The following DNAH10 variants were observed in gnomAD, a reference collection of about 807,000 sequenced individuals.
DNAH10 encodes dynein axonemal heavy chain 10, also known as axonemal beta dynein heavy chain 10.
A neutral mutation model predicts 506.6 loss-of-function variants in DNAH10; 348 were observed. That is an observed-to-expected ratio of 0.69 (90% CI 0.63 to 0.75). DNAH10 has a LOEUF of 0.75. DNAH10 is among the 30% of genes least tolerant of loss of function. The pLI is 0.00. For missense variants in DNAH10, 5,179 were observed against 5,787.1 expected, an observed-to-expected ratio of 0.89 and a Z score of 3.41; for synonymous variants, 2,059 against 2,198.6, an observed-to-expected ratio of 0.94 and a Z score of 1.78.
At chr12:123,858,013 C>A (rs1443929986) in intron 37 of DNAH10, among the ~76,000 whole-genome samples, 1 of 152,070 alleles carries the variant, frequency 6.6e-6, no homozygotes, top group Non-Finnish European at 1.5e-5. Flanking sequence ...CAACATTTAT[C>A]CATGTTGTGG....
chr12:123,829,543 G>A (rs941571574), intron 25 of DNAH10, among the ~76,000 whole-genome samples: 1 of 152,080 alleles, frequency 6.6e-6, no homozygotes, highest in Non-Finnish European at 1.5e-5. Context: ...TGGGAAAAGG[G>A]GGAAAAAAAT....
At chr12:123,898,523 TGA>T in intron 55 of DNAH10, 128 bp from the exon 56 acceptor site, 1 of 1,216,446 alleles carries the variant, frequency 8.2e-7, no homozygotes, top group South Asian at 1.7e-5. Context: ...GTGGAGGTAC[TGA>T]AAGACATGTG....
At position 123,835,508 on chromosome 12, in the gene DNAH10, A is replaced by G. The variant is rs752105323; in HGVS notation, c.4882A>G (p.Ile1628Val). The G allele has an allele frequency of 1.2e-6, 2 of 1,608,376 alleles. No individual in the cohort carries two copies. The highest frequency in any genetic ancestry group is 1.7e-6 in the Non-Finnish European group (2 of 1,177,074). Reference sequence around the variant, plus strand: ...GGAAGAGGCAAAAAAGTTTGACAACATCGATAAAGTATTTAAAAGGGCAAG... The same window carrying G: ...GGAAGAGGCAAAAAAGTTTGACAACGTCGATAAAGTATTTAAAAGGGCAAG... ...LPEEAKKFDNIDKVFKRIMGE... is the reference protein window; with the variant it reads ...LPEEAKKFDNVDKVFKRIMGE... The change falls in exon 28 of 79, where the codon ATC becomes GTC. Residue 1628 changes from isoleucine to valine, a missense_variant. By Grantham distance (29) the Ile-to-Val change is conservative. Coordinates refer to ENST00000673944, the MANE Select transcript of DNAH10 (RefSeq NM_001372106.1).
At chr12:123,861,278 A>G in intron 39 of DNAH10, 108 bp downstream of exon 39, 1 of 1,373,888 alleles carries the variant, frequency 7.3e-7, no homozygotes, top group Non-Finnish European at 9.8e-7. Context: ...TTGGATTTCA[A>G]CAGACTTAGA....
At chr12:123,844,701 C>T (rs140220992) in intron 30 of DNAH10, among the ~76,000 whole-genome samples, 7 of 152,102 alleles carry the variant, frequency 4.6e-5, no homozygotes, top group Admixed American at 3.3e-4. Flanking sequence ...TACAGTGATG[C>T]GAGCTCGGCT....
At chr12:123,822,080 G>C (rs572075687) in intron 24 of DNAH10, among the ~76,000 whole-genome samples, 1 of 152,178 alleles carries the variant, frequency 6.6e-6, no homozygotes, top group Non-Finnish European at 1.5e-5. Flanking sequence ...GGTGGCACAT[G>C]CCTGTGATCC....
intron 47 of DNAH10, among the ~76,000 whole-genome samples, chr12:123,877,469 G>A (rs1208718923): frequency 6.6e-6 from 1 of 152,054 alleles, no homozygotes; most frequent in African/African-American, 2.4e-5. Flanking sequence ...GCACCACCAT[G>A]CCCAGCTAAT....
chr12:123,830,536 G>T lies in DNAH10; in HGVS notation c.4392-10G>T, dbSNP rs1332198308. 6.2e-7 allele frequency: 1 copy of T among 1,610,988 alleles called. No individual in the cohort carries two copies. The highest frequency in any genetic ancestry group is 8.5e-7 in the Non-Finnish European group (1 of 1,178,386). On this transcript the variant is annotated splice_polypyrimidine_tract_variant and intron_variant, in intron 25 of 78. Coordinates refer to ENST00000673944, the MANE Select transcript of DNAH10 (RefSeq NM_001372106.1). ...TAAGCATAAAGATTTGAATGCTGATGTGCTTTCAGGCATTGGAAAGAACTT... is the reference window on the plus strand; with the variant it reads ...TAAGCATAAAGATTTGAATGCTGATTTGCTTTCAGGCATTGGAAAGAACTT...
chr12:123,857,897 C>T (rs1376262636), intron 37 of DNAH10, among the ~76,000 whole-genome samples: 1 of 152,190 alleles, frequency 6.6e-6, no homozygotes, highest in Non-Finnish European at 1.5e-5. Context: ...GCAACCTCTG[C>T]TCGACTTCCT....
At position 123,918,942 on chromosome 12, in the gene DNAH10, C is replaced by T; in HGVS notation, c.11499C>T (p.Gly3833=). Residue 3833 remains glycine, a synonymous_variant, in exon 65 of 79, where the codon GGC becomes GGT. Coordinates refer to ENST00000673944, the MANE Select transcript of DNAH10 (RefSeq NM_001372106.1). The stretch of plus-strand genomic sequence containing the variant: ...TGACCTTCAGCATCTATAACCACGG[C>T]TGCACAGGTGAGCTCTCCCCACAGA... ...DTLTFSIYNH[G]CTGLFERHKL... 6.2e-7 allele frequency: 1 copy of T among 1,609,932 alleles called. No homozygotes were observed. Among genetic ancestry groups the T allele is most frequent in the Admixed American group, 1.7e-5 (1 of 59,902 alleles).
At position 123,902,801 on chromosome 12, in the gene DNAH10, TGC is replaced by T; in HGVS notation, c.9641-137_9641-136del. Reference sequence around the variant, plus strand: ...TCTGTCCCACCAGGATCACTGAGGCTGCCACATTGGCCAGAGCCCCTTAGATC... The same window carrying T: ...TCTGTCCCACCAGGATCACTGAGGCTCACATTGGCCAGAGCCCCTTAGATC... On this transcript the variant is annotated intron_variant, in intron 56 of 78. Coordinates refer to ENST00000673944, the MANE Select transcript of DNAH10 (RefSeq NM_001372106.1). The surrounding 1 kb of genome is among the most constrained non-coding windows in gnomAD (Gnocchi z 4.5). 1 of 1,113,256 alleles carries T rather than the reference TGC, an allele frequency of 9.0e-7. No individual in the cohort carries two copies. Among genetic ancestry groups the T allele is most frequent in the South Asian group, 1.8e-5 (1 of 56,530 alleles). 69.0% of individuals were successfully genotyped at this position (1,113,256 alleles called of 1,614,324 possible).
chr12:123,899,977 G>A lies in DNAH10; in HGVS notation c.9640+1163G>A, dbSNP rs559137972. ...TTGATGCTGAGTCCTCACTGTGGCC[G>A]TGAAGGGTCCCATCAATCCCTCTAT... On this transcript the variant is annotated intron_variant, in intron 56 of 78. Coordinates refer to ENST00000673944, the MANE Select transcript of DNAH10 (RefSeq NM_001372106.1). 1.2e-4 allele frequency among the ~76,000 whole-genome samples: 18 copies of A among 152,286 alleles called. No individual in the cohort carries two copies. In the East Asian group the frequency reaches 3.1e-3, roughly 26 times the overall value.
Position 123,861,061 on chromosome 12 carries a change from G to A in DNAH10, c.6799G>A (p.Val2267Ile). The A allele has an allele frequency of 6.2e-7, 1 of 1,613,976 alleles. No homozygotes were observed. The highest frequency in any genetic ancestry group is 8.5e-7 in the Non-Finnish European group (1 of 1,179,890). ...CATCCTGAACCCCAAAGCCGTGAGT[G>A]TCATAGAACTCTACGGCATCCTGGA... ...LYILNPKAVS[V>I]IELYGILDPT... is the part of the protein sequence containing the mutation. The change falls in exon 39 of 79, where the codon GTC becomes ATC. Residue 2267 changes from valine (V) to isoleucine (I), a missense_variant. This residue lies in a region of DNAH10 where 4,844 missense variants were observed against 5,430.5 expected (regional missense o/e 0.89). Coordinates refer to ENST00000673944, the MANE Select transcript of DNAH10 (RefSeq NM_001372106.1).
At chr12:123,837,616 G>T (rs1209892783) in intron 28 of DNAH10, among the ~76,000 whole-genome samples, 1 of 148,528 alleles carries the variant, frequency 6.7e-6, no homozygotes, top group Admixed American at 6.7e-5. Context: ...TTGCCTTGTT[G>T]CCCAAGCTGG....
rs1327488854 is a variant in DNAH10 at position 123,907,934 on chromosome 12, C to T, written c.9816-1327C>T. Reference sequence around the variant, plus strand: ...GGGCGCCCTCCCTCCTGGCTGTTGCCCTGGCTTGTCCGTACACTATGGGGC... The same window carrying T: ...GGGCGCCCTCCCTCCTGGCTGTTGCTCTGGCTTGTCCGTACACTATGGGGC... On this transcript the variant is annotated intron_variant, in intron 57 of 78. Transcript: ENST00000673944. The surrounding 1 kb of genome is among the most constrained non-coding windows in gnomAD (Gnocchi z 4.4). 1.3e-5 allele frequency among the ~76,000 whole-genome samples: 2 copies of T among 152,162 alleles called. No individual in the cohort carries two copies. The highest frequency in any genetic ancestry group is 4.8e-5 in the African/African-American group (2 of 41,436).
chr12:123,781,160 C>G lies in DNAH10; in HGVS notation c.702C>G (p.Ser234=), dbSNP rs201348789. 1.3e-4 allele frequency: 215 copies of G among 1,614,108 alleles called. No homozygotes were observed. In the African/African-American group the frequency reaches 2.5e-3, roughly 19 times the overall value. The change falls in exon 6 of 79, where the codon TCC becomes TCG. Residue 234 remains serine, a synonymous_variant. Coordinates refer to ENST00000673944, the MANE Select transcript of DNAH10 (RefSeq NM_001372106.1). ...VGVTSGEVSN[S]SEHESDLPPM... ...TCACATCTGGAGAAGTCTCTAATTCCTCTGAGCATGAATCAGACCTGCCGC... is the reference window on the plus strand; with the variant it reads ...TCACATCTGGAGAAGTCTCTAATTCGTCTGAGCATGAATCAGACCTGCCGC...
chr12:123,765,104 C>T (rs539243195), intron 1 of DNAH10, among the ~76,000 whole-genome samples: 37 of 151,990 alleles, frequency 2.4e-4, no homozygotes, highest in Non-Finnish European at 4.9e-4. Context: ...CCCCCTTCCC[C>T]GGTCAAGATT....
chr12:123,845,023 T>G (rs1950897409), intron 30 of DNAH10, among the ~76,000 whole-genome samples: 1 of 152,036 alleles, frequency 6.6e-6, no homozygotes, highest in South Asian at 2.1e-4. Context: ...TTTTATTTTA[T>G]TTTTTAGAGA....
At chr12:123,770,467 G>A (rs1006036423) in intron 2 of DNAH10, among the ~76,000 whole-genome samples, 2 of 147,416 alleles carry the variant, frequency 1.4e-5, no homozygotes, top group South Asian at 2.2e-4. Context: ...TTTATGGCAC[G>A]GCACCTGCTC....
Sources: allele counts gnomAD v4.1 joint callset (sites outside exome capture counted in the v4.1 genomes callset), GRCh38; gene constraint gnomAD v4.1.1; regional missense constraint gnomAD v4.1.1; non-coding constraint Gnocchi (gnomAD v3.1); transcripts MANE v1.5; gene names NCBI Gene and HGNC (gene_info 2026-07-23, HGNC 2026-07-21).